The following SPIDR variants were observed in gnomAD, a reference collection of about 807,000 sequenced individuals.
SPIDR encodes scaffold protein involved in DNA repair, also known as DNA repair-scaffolding protein.
A neutral mutation model predicts 104.6 loss-of-function variants in SPIDR; 93 were observed. That is an observed-to-expected ratio of 0.89 (90% confidence interval 0.75 to 1.06). The LOEUF (loss-of-function observed/expected upper bound fraction) is 1.06, where lower values mean the gene tolerates loss of function less well. Ranked by LOEUF, SPIDR falls within the 50% of genes least tolerant of loss-of-function variation. The probability of loss-of-function intolerance (pLI) is 0.00; values close to 1 mark genes in which losing one functional copy is unlikely to be tolerated. For synonymous variants in SPIDR, 431 were observed against 416.9 expected (o/e 1.03, Z -0.41); for missense variants, 1,154 against 1,111.2 (o/e 1.04, Z -0.55).
chr8:47,634,090 G>C (rs1452613221), intron 10 of SPIDR, among the ~76,000 whole-genome samples: 1 of 143,652 alleles, frequency 7.0e-6, no homozygotes, highest in Non-Finnish European at 1.5e-5. Flanking sequence ...GTAAGACCCT[G>C]TCTCAAAAAA....
At chr8:47,531,456 A>C (rs2085980601) in intron 8 of SPIDR, among the ~76,000 whole-genome samples, 1 of 152,166 alleles carries the variant, frequency 6.6e-6, no homozygotes, top group African/African-American at 2.4e-5. Context: ...ATGGTAGATC[A>C]CTTGGTTTGT....
intron 10 of SPIDR, among the ~76,000 whole-genome samples, chr8:47,611,595 G>C (rs940711932): frequency 6.6e-6 from 1 of 152,012 alleles, no homozygotes; most frequent in African/African-American, 2.4e-5. Flanking sequence ...CTACTTGGGA[G>C]GCTGAGGCAG....
At chr8:47,653,160 C>T (rs1459390190) in intron 10 of SPIDR, among the ~76,000 whole-genome samples, 2 of 152,156 alleles carry the variant, frequency 1.3e-5, no homozygotes, top group Non-Finnish European at 2.9e-5. Context: ...CCTCCAAGAA[C>T]CCTGCCTCTG....
chr8:47,301,277 T>G (rs2042036544), intron 5 of SPIDR, among the ~76,000 whole-genome samples: 1 of 152,184 alleles, frequency 6.6e-6, no homozygotes, highest in Non-Finnish European at 1.5e-5. Context: ...ACCCCTGCCT[T>G]TTTTTGTTTT....
chr8:47,680,874 G>A (rs1312990304), intron 11 of SPIDR, among the ~76,000 whole-genome samples: 1 of 152,196 alleles, frequency 6.6e-6, no homozygotes, highest in Non-Finnish European at 1.5e-5. Flanking sequence ...TTGGGAGGCC[G>A]AGAGGCAGAT....
intron 2 of SPIDR, among the ~76,000 whole-genome samples, chr8:47,283,452 TAATG>T (rs1425150142): frequency 6.6e-6 from 1 of 152,146 alleles, no homozygotes; most frequent in Non-Finnish European, 1.5e-5. Flanking sequence ...GATTTAATAA[TAATG>T]GTAAAGTTTG....
In SPIDR at chr8:47,511,094, C is replaced by A. The variant is rs960918283; in HGVS notation, c.1097+70552C>A. 10 of 1,330,298 alleles carry A rather than the reference C, an allele frequency of 7.5e-6. No homozygotes were observed. The African/African-American group carries it at 8.7e-5, about 12-fold the overall frequency. The allele number at this position is 1,330,298 out of a possible 1,614,324, so 82.4% of individuals were successfully genotyped here. A position where few individuals can be genotyped will look rare whatever the true frequency, so the allele number is the denominator to read the frequency against. On this transcript the variant is annotated intron_variant, in intron 8 of 19. Coordinates refer to ENST00000297423, the MANE Select transcript of SPIDR (RefSeq NM_001080394.4). ...TTGGCTTCCTTCAGGGTCCAGCTCT[C>A]GTCAGCCAGCTCTTTGTTTGGGAAA... is the stretch of plus-strand genomic sequence containing the variant.
At chr8:47,602,200 G>A (rs2062383062) in intron 10 of SPIDR, among the ~76,000 whole-genome samples, 1 of 152,200 alleles carries the variant, frequency 6.6e-6, no homozygotes. Context: ...CCTGATCATA[G>A]ATGACATATG....
At chr8:47,344,984 A>G (rs2051598437) in intron 5 of SPIDR, among the ~76,000 whole-genome samples, 1 of 152,120 alleles carries the variant, frequency 6.6e-6, no homozygotes, top group South Asian at 2.1e-4. Context: ...CCATTTGTCA[A>G]TTTTGGCTTT....
intron 10 of SPIDR, among the ~76,000 whole-genome samples, chr8:47,604,318 T>G (rs2062677341): frequency 6.6e-6 from 1 of 152,224 alleles, no homozygotes; most frequent in Non-Finnish European, 1.5e-5. Flanking sequence ...AGCATGACCA[T>G]GCTGCACAGG....
At chr8:47,476,502 T>C (rs1554723881) in intron 8 of SPIDR, among the ~76,000 whole-genome samples, 1 of 152,172 alleles carries the variant, frequency 6.6e-6, no homozygotes, top group Non-Finnish European at 1.5e-5. Flanking sequence ...CAAGACACAG[T>C]CGTGCCATTG....
intron 8 of SPIDR, among the ~76,000 whole-genome samples, chr8:47,551,756 G>C (rs2090526432): frequency 6.6e-6 from 1 of 151,994 alleles, no homozygotes; most frequent in African/African-American, 2.4e-5. Context: ...AGGGTTTTTT[G>C]TGTCTCTATC....
Position 47,272,704 on chromosome 8 carries a change from T to C in SPIDR, c.34-7158T>C, listed in dbSNP as rs1164859079. Among the ~76,000 whole-genome samples the C allele has an allele frequency of 4.6e-5, 7 of 152,122 alleles. No individual in the cohort carries two copies. The East Asian group carries it at 1.2e-3, about 25-fold the overall frequency. On this transcript the variant is annotated intron_variant, in intron 1 of 19. Coordinates refer to ENST00000297423, the MANE Select transcript of SPIDR (RefSeq NM_001080394.4). ...TGCGTAGTGATGCAGGGTTTTTTGC[T>C]CCTTAGTTCAGCTAAAATCTGGGTT...
At chr8:47,442,961 G>A (rs1391358133) in intron 8 of SPIDR, among the ~76,000 whole-genome samples, 2 of 152,028 alleles carry the variant, frequency 1.3e-5, no homozygotes, top group Non-Finnish European at 2.9e-5. Context: ...TTTATTAAAT[G>A]ACCTTGTTTT....
intron 10 of SPIDR, chr8:47,653,997 G>A: frequency 7.9e-7 from 1 of 1,273,500 alleles, no homozygotes; most frequent in Non-Finnish European, 1.0e-6. Context: ...ATGAGTGGGA[G>A]TGGCAAGGAC....
At chr8:47,430,014 CTG>C (rs1554687948) in intron 7 of SPIDR, among the ~76,000 whole-genome samples, 1 of 152,060 alleles carries the variant, frequency 6.6e-6, no homozygotes, top group African/African-American at 2.4e-5. Flanking sequence ...CCTGCCTTGT[CTG>C]TTATTCCCAT....
chr8:47,718,893 G>A (rs2082968431), intron 16 of SPIDR, among the ~76,000 whole-genome samples: 1 of 152,026 alleles, frequency 6.6e-6, no homozygotes, highest in African/African-American at 2.4e-5. Context: ...ATTAAGCCCA[G>A]CATACATTAG....
At chr8:47,313,794 C>T (rs782233138) in intron 5 of SPIDR, among the ~76,000 whole-genome samples, 5 of 152,150 alleles carry the variant, frequency 3.3e-5, no homozygotes, top group Non-Finnish European at 7.4e-5. Context: ...ACAGACCTGA[C>T]TTCTTATCAG....
rs565359215 is a variant in SPIDR at position 47,367,950 on chromosome 8, T to G, written c.526-28426T>G. 8.5e-5 allele frequency among the ~76,000 whole-genome samples: 13 copies of G among 152,260 alleles called. No individual in the cohort carries two copies. In the East Asian group the frequency reaches 9.7e-4, roughly 11 times the overall value. On this transcript the variant is annotated intron_variant, in intron 5 of 19. Transcript: ENST00000297423. ...GACGATGCTTGTTATCCTAGTCCAC[T>G]GGGGCTGCTGTACCAAAGTACCACA...
Sources: allele counts gnomAD v4.1 joint callset (sites outside exome capture counted in the v4.1 genomes callset), GRCh38; gene constraint gnomAD v4.1.1; transcripts MANE v1.5; gene names NCBI Gene and HGNC (gene_info 2026-07-23, HGNC 2026-07-21).